Variants in DLC1 observed in about 807,000 individuals in gnomAD.
DLC1 encodes DLC1 Rho GTPase activating protein.
DLC1 carries 54 observed loss-of-function variants against 140.3 expected under a neutral mutation model. The ratio of observed to expected loss-of-function variants is 0.38; its 90% CI spans 0.31 to 0.48. DLC1 has a LOEUF of 0.48. Ranked by LOEUF, DLC1 falls within the 20% of genes least tolerant of loss-of-function variation. The probability of loss-of-function intolerance (pLI) is 0.96; values close to 1 mark genes in which losing one functional copy is unlikely to be tolerated. For synonymous variants in DLC1, 986 were observed against 728.1 expected, an observed-to-expected ratio of 1.35 and a Z score of -5.70; for missense variants, 2,536 against 1,907.0, an observed-to-expected ratio of 1.33 and a Z score of -6.14.
intron 1 of DLC1, among the ~76,000 whole-genome samples, chr8:13,534,279 G>A (rs931107808): frequency 1.3e-5 from 2 of 152,080 alleles, no homozygotes; most frequent in Non-Finnish European, 2.9e-5. Context: ...GAATGTTAAA[G>A]CTTCACATGT....
chr8:13,276,121 A>G (rs986096277), intron 5 of DLC1: 2 of 1,253,384 alleles, frequency 1.6e-6, no homozygotes, highest in African/African-American at 3.1e-5. Context: ...GGGAGACCGA[A>G]CACACTGCCA....
chr8:13,302,521 TACAGC>T (rs1832242964), intron 5 of DLC1, among the ~76,000 whole-genome samples: 1 of 152,128 alleles, frequency 6.6e-6, no homozygotes, highest in African/African-American at 2.4e-5. Flanking sequence ...GATAGCTACT[TACAGC>T]ACACACAGAG....
chr8:13,585,015 T>C (rs1326446164), intron 1 of DLC1, among the ~76,000 whole-genome samples: 1 of 152,192 alleles, frequency 6.6e-6, no homozygotes, highest in African/African-American at 2.4e-5. Flanking sequence ...ATTCACTCAA[T>C]AAAGATTCTT....
chr8:13,386,392 G>A (rs1305268130), intron 4 of DLC1, among the ~76,000 whole-genome samples: 1 of 151,922 alleles, frequency 6.6e-6, no homozygotes, highest in Non-Finnish European at 1.5e-5. Flanking sequence ...AATTATTTAA[G>A]TATCATGTGT....
chr8:13,435,317 T>C (rs181466001), intron 2 of DLC1, among the ~76,000 whole-genome samples: 2 of 152,286 alleles, frequency 1.3e-5, no homozygotes, highest in African/African-American at 4.8e-5. Context: ...GAGTTGTTTT[T>C]TCTTTTCTTT....
At chr8:13,533,738 G>A (rs142466976) in intron 1 of DLC1, among the ~76,000 whole-genome samples, 130 of 152,252 alleles carry the variant, frequency 8.5e-4, no homozygotes, top group African/African-American at 2.9e-3. Context: ...ATCTTGAATG[G>A]TAATCCCCAT....
At chr8:13,359,208 GA>G (rs1212918702) in intron 4 of DLC1, among the ~76,000 whole-genome samples, 1 of 152,142 alleles carries the variant, frequency 6.6e-6, no homozygotes, top group African/African-American at 2.4e-5. Flanking sequence ...AAATTGCTGG[GA>G]TTACAGGCGT....
At chr8:13,299,698 C>T (rs909583163) in intron 5 of DLC1, among the ~76,000 whole-genome samples, 1 of 151,888 alleles carries the variant, frequency 6.6e-6, no homozygotes, top group African/African-American at 2.4e-5. Context: ...AGGCTCCTTG[C>T]GGGAAACAAA....
intron 4 of DLC1, among the ~76,000 whole-genome samples, chr8:13,343,842 G>T (rs919190062): frequency 2.4e-4 from 36 of 152,062 alleles, no homozygotes; most frequent in Non-Finnish European, 4.1e-4. Flanking sequence ...TCTGGCCATT[G>T]GTCTGAAAAT....
intron 5 of DLC1, among the ~76,000 whole-genome samples, chr8:13,257,854 T>A (rs1363778707): frequency 6.6e-6 from 1 of 152,222 alleles, no homozygotes; most frequent in South Asian, 2.1e-4. Context: ...CTCTGTCTCA[T>A]AACATCTTTA....
At chr8:13,567,733 C>T in intron 1 of DLC1, 2 of 1,552,100 alleles carry the variant, frequency 1.3e-6, no homozygotes, top group Non-Finnish European at 1.7e-6. Flanking sequence ...TGGAGAAGCA[C>T]ATCAAGACTT....
intron 5 of DLC1, among the ~76,000 whole-genome samples, chr8:13,213,692 A>G (rs1321681647): frequency 6.6e-6 from 1 of 152,064 alleles, no homozygotes; most frequent in Non-Finnish European, 1.5e-5. Flanking sequence ...TGTCTGCTGT[A>G]TGGACCCAAC....
intron 5 of DLC1, among the ~76,000 whole-genome samples, chr8:13,177,763 A>T (rs1242302684): frequency 6.6e-6 from 1 of 152,212 alleles, no homozygotes; most frequent in Non-Finnish European, 1.5e-5. Context: ...TCTTGGACAG[A>T]GAATCATGTA....
chr8:13,419,895 G>T (rs188580276), intron 2 of DLC1, among the ~76,000 whole-genome samples: 3 of 152,194 alleles, frequency 2.0e-5, no homozygotes, highest in African/African-American at 7.2e-5. Flanking sequence ...TTCAGATCCT[G>T]TTATTGGTCT....
At chr8:13,359,632 C>A (rs6989122) in intron 4 of DLC1, among the ~76,000 whole-genome samples, 1 of 152,168 alleles carries the variant, frequency 6.6e-6, no homozygotes, top group Non-Finnish European at 1.5e-5. Context: ...AGGGTAGTTT[C>A]ATGACATCCA....
intron 5 of DLC1, among the ~76,000 whole-genome samples, chr8:13,194,978 C>G (rs1461934275): frequency 6.7e-6 from 1 of 150,112 alleles, no homozygotes; most frequent in African/African-American, 2.4e-5. Context: ...CCACTGCACT[C>G]CAGTGTGGGT....
intron 2 of DLC1, among the ~76,000 whole-genome samples, chr8:13,453,556 A>ATTT (rs370075708): frequency 1.1e-4 from 3 of 26,928 alleles, no homozygotes; most frequent in African/African-American, 3.5e-4. Context: ...ATATATATAT[A>ATTT]TTTTTTTTTT....
intron 2 of DLC1, among the ~76,000 whole-genome samples, chr8:13,468,338 A>AG (rs1800040870): frequency 1.0e-4 from 3 of 30,074 alleles, no homozygotes; most frequent in South Asian, 1.8e-3. Context: ...CCTTCCCCCC[A>AG]TTCCCCTCCC....
chr8:13,263,730 T>C (rs1490026740), intron 5 of DLC1, among the ~76,000 whole-genome samples: 1 of 151,592 alleles, frequency 6.6e-6, no homozygotes, highest in African/African-American at 2.4e-5. Context: ...AAGAAAATGT[T>C]CTACCACTTT....
Sources: allele counts gnomAD v4.1 joint callset (sites outside exome capture counted in the v4.1 genomes callset), GRCh38; gene constraint gnomAD v4.1.1; transcripts MANE v1.5; gene names NCBI Gene and HGNC (gene_info 2026-07-23, HGNC 2026-07-21).